IFT70A: variants seen among roughly 807,000 people sequenced by gnomAD.
IFT70A encodes intraflagellar transport 70A.
At chr2:177,617,877 G>C in the IFT70A span, 1 of 1,614,196 alleles carries the variant, frequency 6.2e-7, no homozygotes, top group Non-Finnish European at 8.5e-7. Context: ...GTGGCATGTC[G>C]GTGAGGGTTT....
At chr2:177,618,692 G>C in the IFT70A span, 2 of 1,578,448 alleles carry the variant, frequency 1.3e-6, no homozygotes, top group Non-Finnish European at 1.7e-6. Flanking sequence ...GCGCCGCTCA[G>C]ACCAGCCATA....
At chr2:177,617,509 T>G in the IFT70A span, 2 of 1,614,246 alleles carry the variant, frequency 1.2e-6, no homozygotes, top group Non-Finnish European at 1.7e-6. Context: ...TCTTGCTTCC[T>G]GTACTTGCTT....
At chr2:177,618,506 C>G in the IFT70A span, 1 of 1,585,066 alleles carries the variant, frequency 6.3e-7, no homozygotes, top group Non-Finnish European at 8.6e-7. Context: ...TCATAGCACT[C>G]GGCCGCCAGC....
chr2:177,613,484 A>G, the IFT70A span: 4 of 152,192 alleles, frequency 2.6e-5, no homozygotes, highest in Non-Finnish European at 5.9e-5. Context: ...TCTCCTTTCC[A>G]TATACACTAT....
chr2:177,618,487 C>A, the IFT70A span: 2 of 1,585,890 alleles, frequency 1.3e-6, no homozygotes, highest in Non-Finnish European at 1.7e-6. Flanking sequence ...GTGCAGCTGG[C>A]CCAGCTGCTC....
At chr2:177,617,747 G>A in the IFT70A span, 4 of 1,614,098 alleles carry the variant, frequency 2.5e-6, no homozygotes, top group African/African-American at 2.7e-5. Context: ...GTCTCTGGAG[G>A]AAAGGGATTC....
the IFT70A span, chr2:177,618,579 G>A: frequency 4.3e-5 from 69 of 1,601,298 alleles, no homozygotes; most frequent in African/African-American, 6.9e-4. Flanking sequence ...GGCTCCTGGG[G>A]CTCCGCTGCA....
the IFT70A span, chr2:177,615,665 A>C: frequency 1.3e-5 from 2 of 152,182 alleles, no homozygotes; most frequent in African/African-American, 4.8e-5. Flanking sequence ...ATTTGCTTAT[A>C]TATCCAGGTC....
At chr2:177,613,179 A>C in the IFT70A span, 2 of 152,174 alleles carry the variant, frequency 1.3e-5, no homozygotes, top group East Asian at 3.8e-4. Context: ...TTGTGAAAAC[A>C]GTTTAATGGT....
chr2:177,616,326 A>AT, the IFT70A span: 1 of 161,820 alleles, frequency 6.2e-6, no homozygotes, highest in East Asian at 1.8e-4. Context: ...AGTCATTTAC[A>AT]TATCAGTGAC....
the IFT70A span, chr2:177,616,010 A>T: frequency 6.6e-6 from 1 of 152,170 alleles, no homozygotes; most frequent in African/African-American, 2.4e-5. Context: ...ATAGAACATG[A>T]AGAAAAACGT....
the IFT70A span, chr2:177,616,725 C>A: frequency 6.5e-7 from 1 of 1,534,622 alleles, no homozygotes; most frequent in Non-Finnish European, 8.7e-7. Context: ...ATCCTATAAT[C>A]TCATAAATCA....
the IFT70A span, chr2:177,613,892 G>C: frequency 6.6e-6 from 1 of 152,142 alleles, no homozygotes; most frequent in Non-Finnish European, 1.5e-5. Flanking sequence ...CATTTTATAT[G>C]TTCACATGAT....
the IFT70A span, chr2:177,616,719 T>C: frequency 1.6e-4 from 250 of 1,532,532 alleles, 1 homozygote; most frequent in South Asian, 5.6e-4. Context: ...TATTCCATCC[T>C]ATAATCTCAT....
chr2:177,617,068 A>G, the IFT70A span: 1 of 1,613,598 alleles, frequency 6.2e-7, no homozygotes, highest in Non-Finnish European at 8.5e-7. Context: ...CAAATTCACA[A>G]TGCAGAGATG....
At chr2:177,618,477 G>C in the IFT70A span, 1 of 1,589,626 alleles carries the variant, frequency 6.3e-7, no homozygotes, top group South Asian at 1.1e-5. Context: ...CCAGTTCCGG[G>C]TGCAGCTGGC....
At chr2:177,616,764 G>A in the IFT70A span, 6 of 1,576,508 alleles carry the variant, frequency 3.8e-6, no homozygotes, top group Non-Finnish European at 4.3e-6. Context: ...ACTCATCTGT[G>A]ACTGTATTCT....
chr2:177,618,161 G>C, the IFT70A span: 4 of 1,614,140 alleles, frequency 2.5e-6, no homozygotes, highest in Non-Finnish European at 3.4e-6. Flanking sequence ...GAGGCCTGCA[G>C]TGTGGCAGAA....
At chr2:177,615,892 A>G in the IFT70A span, 1 of 152,120 alleles carries the variant, frequency 6.6e-6, no homozygotes, top group Admixed American at 6.5e-5. Context: ...ATTAAAAAGT[A>G]AAAATTAAAA....
Sources: allele counts gnomAD v4.1 joint callset, GRCh38; gene constraint gnomAD v4.1.1; transcripts MANE v1.5; gene names NCBI Gene and HGNC (gene_info 2026-07-23, HGNC 2026-07-21).